Variants in TDRD9 observed in about 807,000 individuals in gnomAD.
TDRD9 encodes tudor domain containing 9, also known as ATP-dependent RNA helicase TDRD9.
Under a neutral mutation model 172.6 loss-of-function variants are expected in TDRD9, and 124 were observed. That is an observed-to-expected ratio of 0.72 (90% confidence interval 0.62 to 0.83). The LOEUF is 0.83. Among genes scored for constraint, TDRD9 ranks in the 40% least tolerant of loss-of-function variants. The probability of loss-of-function intolerance (pLI) is 0.00; values close to 1 mark genes in which losing one functional copy is unlikely to be tolerated. For synonymous variants in TDRD9, 619 were observed against 617.1 expected (o/e 1.00, Z -0.05); for missense variants, 1,479 against 1,714.1 (o/e 0.86, Z 2.42).
intron 6 of TDRD9, among the ~76,000 whole-genome samples, chr14:103,972,889 T>C (rs1330182314): frequency 6.6e-6 from 1 of 152,250 alleles, no homozygotes; most frequent in African/African-American, 2.4e-5. Context: ...AGAATTTGGC[T>C]ATTTCAGTCC....
At chr14:103,941,279 T>TACGGCGA in intron 1 of TDRD9, 2 of 857,350 alleles carry the variant, frequency 2.3e-6, no homozygotes, top group South Asian at 2.3e-5. Context: ...AAACAATTGC[T>TACGGCGA]CACCAGACAT....
intron 18 of TDRD9, 146 bp from the exon 19 acceptor site, chr14:104,007,014 G>A (rs1218728674): frequency 2.1e-5 from 20 of 965,198 alleles, no homozygotes; most frequent in Non-Finnish European, 2.9e-5. Context: ...AGTGAGTGAG[G>A]TGGAAGTCCA....
chr14:103,962,264 A>G (rs533187918), intron 2 of TDRD9, among the ~76,000 whole-genome samples: 1 of 151,996 alleles, frequency 6.6e-6, no homozygotes, highest in Non-Finnish European at 1.5e-5. Flanking sequence ...GTAGCAGGGA[A>G]TGCACACTTA....
Position 104,026,930 on chromosome 14 carries a change from C to G in TDRD9, c.3273C>G (p.Tyr1091Ter). Reference protein sequence around the residue: ...QGYAELTEESYESKQSHEVLK... With the variant: ...QGYAELTEES ...ATGCCGAGCTCACGGAGGAGTCCTA[C>G]GAGTCCAAGGTGTGTGCTTTCGCCG... The change falls in exon 28 of 36, where the codon TAC (tyrosine) becomes TAG (stop). Residue 1091 changes from tyrosine (Y) to a stop codon, truncating the protein, a stop_gained. Coordinates refer to ENST00000409874, the MANE Select transcript of TDRD9 (RefSeq NM_153046.3). LOFTEE classifies it high-confidence loss of function. 2 of 1,613,764 alleles carry G rather than the reference C, an allele frequency of 1.2e-6. No homozygotes were observed. The highest frequency in any genetic ancestry group is 1.7e-6 in the Non-Finnish European group (2 of 1,179,756).
intron 7 of TDRD9, among the ~76,000 whole-genome samples, chr14:103,976,164 A>T (rs1219827746): frequency 6.6e-6 from 1 of 151,768 alleles, no homozygotes; most frequent in Admixed American, 6.6e-5. Flanking sequence ...TATTTCACTA[A>T]CTTCACTCAG....
intron 7 of TDRD9, among the ~76,000 whole-genome samples, chr14:103,981,420 C>T (rs2033469500): frequency 6.6e-6 from 1 of 152,168 alleles, no homozygotes; most frequent in Admixed American, 6.5e-5. Flanking sequence ...CTTCTAGGCA[C>T]CCAGGGCCCC....
intron 13 of TDRD9, among the ~76,000 whole-genome samples, chr14:104,002,552 A>C (rs906883836): frequency 1.3e-5 from 2 of 152,090 alleles, no homozygotes; most frequent in Non-Finnish European, 2.9e-5. Context: ...TCCTCTTTGA[A>C]TGTGGTTTGA....
Position 104,026,030 on chromosome 14 carries a change from C to T in TDRD9, c.2932-17C>T, listed in dbSNP as rs2035106211. The T allele has an allele frequency of 6.5e-7, 1 of 1,545,198 alleles. No individual in the cohort carries two copies. On this transcript the variant is annotated splice_polypyrimidine_tract_variant and intron_variant, in intron 26 of 35. Transcript: ENST00000409874. The stretch of plus-strand genomic sequence containing the variant: ...TTTTGACCCCGTCGTAAAGTGTATA[C>T]TTGCTTTATTTTCTAGGTATTCTTT...
chr14:103,992,982 A>AT, intron 9 of TDRD9, among the ~76,000 whole-genome samples: 1 of 146,308 alleles, frequency 6.8e-6, no homozygotes, highest in African/African-American at 2.5e-5. Flanking sequence ...TATTTTATTT[A>AT]TTTTTTAAGA....
intron 13 of TDRD9, among the ~76,000 whole-genome samples, chr14:104,003,833 C>G (rs1409861034): frequency 6.6e-6 from 1 of 151,974 alleles, no homozygotes; most frequent in African/African-American, 2.4e-5. Context: ...TGAGACAGCT[C>G]CTCGATGGCA....
intron 1 of TDRD9, among the ~76,000 whole-genome samples, chr14:103,933,620 C>T (rs1248733031): frequency 6.6e-6 from 1 of 152,142 alleles, no homozygotes; most frequent in African/African-American, 2.4e-5. Flanking sequence ...GTTGCCCAGG[C>T]TTGTCTCAAA....
At position 103,994,397 on chromosome 14, in the gene TDRD9, A is replaced by G. The variant is rs766656479; in HGVS notation, c.1235+11A>G. On this transcript the variant is annotated intron_variant, in intron 10 of 35. Transcript: ENST00000409874. ...CCTGGTTCATAAAAGGTATGTTGAA[A>G]ATGATACAGCTGTATTCTTCTAAGC... is the stretch of plus-strand genomic sequence containing the variant. 2 of 1,612,818 alleles carry G rather than the reference A, an allele frequency of 1.2e-6. No individual in the cohort carries two copies. Among genetic ancestry groups the G allele is most frequent in the Middle Eastern group, 1.7e-4 (1 of 6,058 alleles).
intron 1 of TDRD9, among the ~76,000 whole-genome samples, chr14:103,946,682 A>G (rs1170708101): frequency 6.6e-6 from 1 of 152,266 alleles, no homozygotes; most frequent in African/African-American, 2.4e-5. Flanking sequence ...GTCAGAACTA[A>G]TAATTGAATT....
chr14:104,045,936 A>G (rs1196953822), intron 34 of TDRD9, among the ~76,000 whole-genome samples: 3 of 152,202 alleles, frequency 2.0e-5, no homozygotes, highest in Admixed American at 2.0e-4. Flanking sequence ...CAGTTATAAC[A>G]GGGGAAAATG....
At chr14:104,014,473 G>A (rs886828381) in intron 20 of TDRD9, among the ~76,000 whole-genome samples, 1 of 151,838 alleles carries the variant, frequency 6.6e-6, no homozygotes, top group Non-Finnish European at 1.5e-5. Flanking sequence ...TAGAGACTGG[G>A]TTTCGCCATG....
chr14:103,932,974 C>T lies in TDRD9; in HGVS notation c.215+4250C>T, dbSNP rs185640788. Among the ~76,000 whole-genome samples the T allele has an allele frequency of 9.7e-4, 147 of 152,066 alleles. 2 individuals carry two copies. The South Asian group carries it at 0.016, about 17-fold the overall frequency. On this transcript the variant is annotated intron_variant, in intron 1 of 35. Coordinates refer to ENST00000409874, the MANE Select transcript of TDRD9 (RefSeq NM_153046.3). The stretch of plus-strand genomic sequence containing the variant: ...CAAGAATTGCCGGAGATGGTGTGGG[C>T]GCCTGTGGGTCCCAGCATGAATCTT...
At chr14:103,947,103 A>C (rs1213075472) in intron 1 of TDRD9, among the ~76,000 whole-genome samples, 1 of 152,190 alleles carries the variant, frequency 6.6e-6, no homozygotes, top group Non-Finnish European at 1.5e-5. Context: ...AAGAAGTACA[A>C]AGCTGGAAGA....
At position 104,026,032 on chromosome 14, in the gene TDRD9, T is replaced by TG. The variant is rs755530761; in HGVS notation, c.2932-14dup. 10 of 1,550,938 alleles carry TG rather than the reference T, an allele frequency of 6.4e-6. No homozygotes were observed. Among genetic ancestry groups the TG allele is most frequent in the Non-Finnish European group, 8.0e-6 (9 of 1,122,664 alleles). On this transcript the variant is annotated splice_polypyrimidine_tract_variant and intron_variant, in intron 26 of 35. Transcript: ENST00000409874. Reference sequence around the variant, plus strand: ...TTGACCCCGTCGTAAAGTGTATACTTGCTTTATTTTCTAGGTATTCTTTGT... The same window carrying TG: ...TTGACCCCGTCGTAAAGTGTATACTTGGCTTTATTTTCTAGGTATTCTTTGT...
intron 1 of TDRD9, among the ~76,000 whole-genome samples, chr14:103,934,235 A>G (rs901166751): frequency 2.0e-5 from 3 of 151,764 alleles, no homozygotes; most frequent in Non-Finnish European, 4.4e-5. Context: ...CTGGTGTCAA[A>G]CTCCTGGGCT....
Sources: allele counts gnomAD v4.1 joint callset (sites outside exome capture counted in the v4.1 genomes callset), GRCh38; gene constraint gnomAD v4.1.1; transcripts MANE v1.5; gene names NCBI Gene and HGNC (gene_info 2026-07-23, HGNC 2026-07-21).